Variants in KLHL1 observed in about 807,000 individuals in gnomAD.
KLHL1 encodes the protein kelch-like protein 1.
Under a neutral mutation model 77.7 loss-of-function variants are expected in KLHL1, and 47 were observed. The observed-to-expected ratio is 0.60, with a 90% CI of 0.48 to 0.77. The LOEUF is 0.77. Among genes scored for constraint, KLHL1 ranks in the 30% least tolerant of loss-of-function variants. The pLI, the probability that KLHL1 is intolerant of heterozygous loss-of-function variation, is 0.00. For missense variants in KLHL1, 925 were observed against 910.8 expected, an observed-to-expected ratio of 1.02 and a Z score of -0.20; for synonymous variants, 360 against 325.2, an observed-to-expected ratio of 1.11 and a Z score of -1.15.
chr13:69,862,131 A>G (rs1880192540), intron 5 of KLHL1, among the ~76,000 whole-genome samples: 2 of 152,066 alleles, frequency 1.3e-5, no homozygotes, highest in Admixed American at 6.6e-5. Context: ...AAACATGAGT[A>G]TCACATGATA....
At chr13:70,026,121 CTG>C (rs1885934368) in intron 1 of KLHL1, among the ~76,000 whole-genome samples, 1 of 152,066 alleles carries the variant, frequency 6.6e-6, no homozygotes, top group African/African-American at 2.4e-5. Context: ...GCTTCTTTGT[CTG>C]ACCATAACAA....
At chr13:69,814,598 A>G (rs1489693460) in intron 6 of KLHL1, among the ~76,000 whole-genome samples, 2 of 152,222 alleles carry the variant, frequency 1.3e-5, no homozygotes, top group African/African-American at 2.4e-5. Context: ...ATACATCTCA[A>G]TAGAAACATA....
At chr13:69,867,820 G>T (rs2138166791) in intron 5 of KLHL1, among the ~76,000 whole-genome samples, 1 of 134,602 alleles carries the variant, frequency 7.4e-6, no homozygotes, top group South Asian at 2.5e-4. Flanking sequence ...CGTGGACACA[G>T]GAAGGGGAAC....
At chr13:69,997,194 C>A (rs900828038) in intron 1 of KLHL1, among the ~76,000 whole-genome samples, 7 of 151,270 alleles carry the variant, frequency 4.6e-5, no homozygotes, top group Non-Finnish European at 7.4e-5. Context: ...GCACTCCAGC[C>A]TGGGCTACAG....
At chr13:69,936,499 G>A (rs546138650) in intron 4 of KLHL1, among the ~76,000 whole-genome samples, 5 of 149,972 alleles carry the variant, frequency 3.3e-5, no homozygotes, top group Non-Finnish European at 7.4e-5. Flanking sequence ...TGGGACAGGA[G>A]AATTGCCCGA....
rs139668156 is a variant in KLHL1, at chr13:69,924,243, G to A, written c.1014+15797C>T. On this transcript the variant is annotated intron_variant, in intron 4 of 10. Coordinates refer to ENST00000377844, the MANE Select transcript of KLHL1 (RefSeq NM_020866.3). ...TTGTGTGGAAAGGGGTAGGTACCTGGTGAAATCCCACCTTCAAGCCAGGGA... is the reference window on the plus strand; with the variant it reads ...TTGTGTGGAAAGGGGTAGGTACCTGATGAAATCCCACCTTCAAGCCAGGGA... 6.4e-3 allele frequency among the ~76,000 whole-genome samples: 969 copies of A among 152,258 alleles called. 16 individuals carry two copies. Among genetic ancestry groups the A allele is most frequent in the African/African-American group, 0.022 (927 of 41,548 alleles).
At chr13:69,898,702 G>A (rs1217876576) in intron 4 of KLHL1, among the ~76,000 whole-genome samples, 1 of 152,142 alleles carries the variant, frequency 6.6e-6, no homozygotes, top group African/African-American at 2.4e-5. Flanking sequence ...ATCTTAGTGG[G>A]GAATGTGGAA....
chr13:69,958,761 C>T (rs1235477290), intron 3 of KLHL1, among the ~76,000 whole-genome samples: 1 of 151,564 alleles, frequency 6.6e-6, no homozygotes, highest in Non-Finnish European at 1.5e-5. Flanking sequence ...TACATATTAT[C>T]AAATGGCTGG....
chr13:69,854,550 G>C (rs1879814795), intron 5 of KLHL1, among the ~76,000 whole-genome samples: 1 of 152,094 alleles, frequency 6.6e-6, no homozygotes, highest in African/African-American at 2.4e-5. Flanking sequence ...CATAAGAAAG[G>C]CTAAGGACTT....
intron 3 of KLHL1, among the ~76,000 whole-genome samples, chr13:69,959,606 G>T (rs1593988585): frequency 6.9e-6 from 1 of 145,668 alleles, no homozygotes; most frequent in African/African-American, 2.5e-5. Flanking sequence ...CCTTTGAGAT[G>T]TTAAGTCTTT....
chr13:69,942,411 T>C (rs1883391370), intron 3 of KLHL1, among the ~76,000 whole-genome samples: 1 of 152,060 alleles, frequency 6.6e-6, no homozygotes, highest in Non-Finnish European at 1.5e-5. Flanking sequence ...AGTTTGTGTA[T>C]ATTTTTTAAC....
At chr13:69,776,827 C>T (rs1316795122) in intron 7 of KLHL1, among the ~76,000 whole-genome samples, 1 of 152,080 alleles carries the variant, frequency 6.6e-6, no homozygotes, top group East Asian at 1.9e-4. Flanking sequence ...TTTTTCTCTT[C>T]TCTTAACAGC....
At chr13:70,056,771 AC>A (rs930801554) in intron 1 of KLHL1, among the ~76,000 whole-genome samples, 1 of 152,152 alleles carries the variant, frequency 6.6e-6, no homozygotes, top group Non-Finnish European at 1.5e-5. Flanking sequence ...ATTTCATGAA[AC>A]AAATGAAAAT....
At chr13:69,903,764 C>G (rs1881953474) in intron 4 of KLHL1, among the ~76,000 whole-genome samples, 1 of 148,722 alleles carries the variant, frequency 6.7e-6, no homozygotes, top group East Asian at 2.0e-4. Flanking sequence ...GCCTCAGCCT[C>G]CCGAGTAGCT....
chr13:69,946,457 C>A (rs1374397371), intron 3 of KLHL1, among the ~76,000 whole-genome samples: 3 of 151,966 alleles, frequency 2.0e-5, no homozygotes, highest in Non-Finnish European at 4.4e-5. Context: ...AAAAATCAAA[C>A]AAATATATGA....
chr13:70,027,649 G>GTGTTTTTTTTT (rs1367130178), intron 1 of KLHL1, among the ~76,000 whole-genome samples: 1 of 109,336 alleles, frequency 9.1e-6, no homozygotes, highest in East Asian at 2.8e-4. Context: ...CAAAATGTAA[G>GTGTTTTTTTTT]TTGTTTTTTT....
chr13:69,846,099 G>A (rs1422795781), intron 5 of KLHL1, among the ~76,000 whole-genome samples: 2 of 151,364 alleles, frequency 1.3e-5, no homozygotes, highest in Non-Finnish European at 3.0e-5. Context: ...TAAATAACAA[G>A]TTTTTAAAAT....
chr13:70,014,665 G>A (rs999444928), intron 1 of KLHL1, among the ~76,000 whole-genome samples: 1 of 152,036 alleles, frequency 6.6e-6, no homozygotes, highest in Non-Finnish European at 1.5e-5. Context: ...ATTGCTGTAG[G>A]ATCTTTATGT....
At chr13:69,942,981 T>C (rs1188296288) in intron 3 of KLHL1, among the ~76,000 whole-genome samples, 1 of 152,168 alleles carries the variant, frequency 6.6e-6, no homozygotes, top group African/African-American at 2.4e-5. Flanking sequence ...TCCTCTGCCA[T>C]TTTTTCATCT....
Sources: allele counts gnomAD v4.1 joint callset (sites outside exome capture counted in the v4.1 genomes callset), GRCh38; gene constraint gnomAD v4.1.1; transcripts MANE v1.5; gene names NCBI Gene and HGNC (gene_info 2026-07-23, HGNC 2026-07-21).